TTC7B: variants seen among roughly 807,000 people sequenced by gnomAD.
The protein encoded by TTC7B is tetratricopeptide repeat protein 7B.
In TTC7B, 28 loss-of-function variants were observed where a neutral mutation model predicts 106.8. The observed-to-expected ratio is 0.26, with a 90% CI of 0.19 to 0.36. TTC7B has a LOEUF of 0.36. Ranked by LOEUF, TTC7B falls within the 10% of genes least tolerant of loss-of-function variation. TTC7B has a pLI of 1.00. For missense variants in TTC7B, 862 were observed against 1,076.4 expected (o/e 0.80, Z 2.79); for synonymous variants, 405 against 430.6 (o/e 0.94, Z 0.74).
At chr14:90,593,776 C>G (rs555007724) in intron 17 of TTC7B, 150 bp from the exon 18 acceptor site, 1 of 741,094 alleles carries the variant, frequency 1.3e-6, no homozygotes, top group Non-Finnish European at 2.0e-6. Context: ...CGCGGGCAAT[C>G]ACGGCCCGGG....
At chr14:90,601,685 G>T (rs566710107) in intron 17 of TTC7B, among the ~76,000 whole-genome samples, 2 of 152,298 alleles carry the variant, frequency 1.3e-5, no homozygotes, top group African/African-American at 4.8e-5. Context: ...GAAGTGATGA[G>T]CAGCATGCAG....
Position 90,531,438 on chromosome 14 carries a change from AAAAC to A in TTC7B, c.*9926_*9929del, listed in dbSNP as rs1463251297. Reference sequence around the variant, plus strand: ...CAAAAAATCAAAAATACAAAACAAAAAAACAAACAAAAAAAAAACAAAAAACAAA... The same window carrying A: ...CAAAAAATCAAAAATACAAAACAAAAAAACAAAAAAAAAACAAAAAACAAA... On this transcript the variant is annotated 3_prime_UTR_variant, in exon 20 of 20. Coordinates refer to ENST00000328459, the MANE Select transcript of TTC7B (RefSeq NM_001010854.2). 1.3e-5 allele frequency: 2 copies of A among 151,148 alleles called. No homozygotes were observed. The highest frequency in any genetic ancestry group is 4.9e-5 in the African/African-American group (2 of 41,040). 9.4% of individuals were successfully genotyped at this position (151,148 alleles called of 1,614,324 possible). A position where few individuals can be genotyped will look rare whatever the true frequency, so the allele number is the denominator to read the frequency against.
intron 5 of TTC7B, 113 bp downstream of exon 5, chr14:90,729,962 G>A (rs1163910981): frequency 2.6e-6 from 3 of 1,155,778 alleles, no homozygotes; most frequent in Non-Finnish European, 3.5e-6. Flanking sequence ...AAGTTCCAAT[G>A]GTAGTTCATA....
At chr14:90,674,836 T>C (rs1309865796) in intron 9 of TTC7B, among the ~76,000 whole-genome samples, 1 of 152,232 alleles carries the variant, frequency 6.6e-6, no homozygotes, top group African/African-American at 2.4e-5. Context: ...CCTTTGGCAC[T>C]GCACCACCTT....
intron 2 of TTC7B, 79 bp from the exon 3 acceptor site, chr14:90,780,985 T>G: frequency 7.3e-7 from 1 of 1,365,930 alleles, no homozygotes; most frequent in Admixed American, 1.7e-5. Flanking sequence ...GGCCAGCTGC[T>G]GCCGTAAAAC....
intron 9 of TTC7B, among the ~76,000 whole-genome samples, chr14:90,665,644 T>C (rs1886382522): frequency 6.6e-6 from 1 of 152,176 alleles, no homozygotes. Context: ...AGAAATAAAA[T>C]AATCAGATAC....
At position 90,807,529 on chromosome 14, in the gene TTC7B, G is replaced by A. The variant is rs1339803546; in HGVS notation, c.121+8646C>T. 6.6e-6 allele frequency among the ~76,000 whole-genome samples: 1 copy of A among 152,188 alleles called. No homozygotes were observed. Among genetic ancestry groups the A allele is most frequent in the African/African-American group, 2.4e-5 (1 of 41,452 alleles). ...CCCCAGGGGACCCTGCTGCCCAGAG[G>A]TTGAGCGACAATCCTGAACTGTAAG... On this transcript the variant is annotated intron_variant, in intron 1 of 19. Coordinates refer to ENST00000328459, the MANE Select transcript of TTC7B (RefSeq NM_001010854.2). This position sits in a 1 kb window ranked among gnomAD's most constrained non-coding sequence, Gnocchi z 4.1.
intron 15 of TTC7B, among the ~76,000 whole-genome samples, chr14:90,619,331 T>C (rs141845422): frequency 3.3e-5 from 5 of 152,354 alleles, no homozygotes; most frequent in African/African-American, 4.8e-5. Flanking sequence ...TCTCATCCGA[T>C]TGGACCCTTT....
intron 3 of TTC7B, among the ~76,000 whole-genome samples, chr14:90,747,964 T>C (rs1566868538): frequency 2.0e-5 from 3 of 152,204 alleles, no homozygotes; most frequent in Non-Finnish European, 4.4e-5. Flanking sequence ...TTTTAATCTT[T>C]ACTTTTAATC....
Position 90,689,714 on chromosome 14 carries a change from T to C in TTC7B, c.778-2A>G. The C allele has an allele frequency of 6.2e-7, 1 of 1,613,674 alleles. No individual in the cohort carries two copies. Among genetic ancestry groups the C allele is most frequent in the Non-Finnish European group, 8.5e-7 (1 of 1,179,838 alleles). Reference sequence around the variant, plus strand: ...CTCTGCCAGCTGCCTGGCTATTGTCTGGGAACATAAACGAGGAAAAGCATA... The same window carrying C: ...CTCTGCCAGCTGCCTGGCTATTGTCCGGGAACATAAACGAGGAAAAGCATA... On this transcript the variant is annotated splice_acceptor_variant, in intron 6 of 19. Coordinates refer to ENST00000328459, the MANE Select transcript of TTC7B (RefSeq NM_001010854.2). LOFTEE classifies it high-confidence loss of function.
intron 5 of TTC7B, 131 bp downstream of exon 5, chr14:90,729,944 G>A (rs373062322): frequency 8.3e-6 from 7 of 845,354 alleles, no homozygotes; most frequent in African/African-American, 1.8e-5. Flanking sequence ...TTCTTTAAAA[G>A]AAAAAAAAAG....
chr14:90,650,256 G>T (rs1340980342), intron 13 of TTC7B, among the ~76,000 whole-genome samples: 1 of 152,198 alleles, frequency 6.6e-6, no homozygotes, highest in Non-Finnish European at 1.5e-5. Context: ...GAACCTTGCT[G>T]CCTTGTTTAG....
intron 5 of TTC7B, among the ~76,000 whole-genome samples, chr14:90,727,726 A>T (rs928583387): frequency 6.6e-6 from 1 of 152,246 alleles, no homozygotes; most frequent in Non-Finnish European, 1.5e-5. Flanking sequence ...AAAGAAAAAC[A>T]TTGTGTTTCA....
intron 17 of TTC7B, among the ~76,000 whole-genome samples, chr14:90,598,460 A>T (rs1237503282): frequency 6.6e-6 from 1 of 152,110 alleles, no homozygotes; most frequent in Non-Finnish European, 1.5e-5. Context: ...ATCACCATGC[A>T]TGGGGGTAAG....
intron 1 of TTC7B, among the ~76,000 whole-genome samples, chr14:90,803,853 G>T (rs889624696): frequency 6.6e-6 from 1 of 152,080 alleles, no homozygotes; most frequent in Non-Finnish European, 1.5e-5. Flanking sequence ...AGAGAAGCCT[G>T]ATACAAGAAA....
rs952158972 is a variant in TTC7B, at chr14:90,535,638, G to C, written c.*5730C>G. On this transcript the variant is annotated 3_prime_UTR_variant, in exon 20 of 20. Coordinates refer to ENST00000328459, the MANE Select transcript of TTC7B (RefSeq NM_001010854.2). ...CCTGTGTTCTCAGCTCCCCTCTGCA[G>C]CTACGCTCTTGAAAGAGACTTCACC... is the stretch of plus-strand genomic sequence containing the variant. 1 of 152,472 alleles carries C rather than the reference G, an allele frequency of 6.6e-6. No homozygotes were observed. Among genetic ancestry groups the C allele is most frequent in the Non-Finnish European group, 1.5e-5 (1 of 68,220 alleles). 9.4% of individuals were successfully genotyped at this position (152,472 alleles called of 1,614,324 possible). A position where few individuals can be genotyped will look rare whatever the true frequency, so the allele number is the denominator to read the frequency against.
chr14:90,614,785 G>T (rs997481669), intron 16 of TTC7B, among the ~76,000 whole-genome samples: 2 of 152,234 alleles, frequency 1.3e-5, no homozygotes, highest in African/African-American at 4.8e-5. Context: ...GTACAGTGCT[G>T]GCATGGAGAA....
At chr14:90,768,357 GGAGA>G (rs142344466) in intron 3 of TTC7B, among the ~76,000 whole-genome samples, 4 of 151,012 alleles carry the variant, frequency 2.6e-5, no homozygotes, top group South Asian at 4.2e-4. Flanking sequence ...AGGCAGTGGG[GGAGA>G]GAGAGAGAGA....
At chr14:90,692,817 A>T (rs1475903858) in intron 6 of TTC7B, among the ~76,000 whole-genome samples, 2 of 152,108 alleles carry the variant, frequency 1.3e-5, no homozygotes, top group South Asian at 2.1e-4. Context: ...AATCCTAAAA[A>T]TGGAAATATT....
Sources: allele counts gnomAD v4.1 joint callset (sites outside exome capture counted in the v4.1 genomes callset), GRCh38; gene constraint gnomAD v4.1.1; non-coding constraint Gnocchi (gnomAD v3.1); transcripts MANE v1.5; gene names NCBI Gene and HGNC (gene_info 2026-07-23, HGNC 2026-07-21).